The following ABCC3 variants were observed in gnomAD, a reference collection of about 807,000 sequenced individuals.
ABCC3 encodes the protein ATP-binding cassette sub-family C member 3.
In ABCC3, 121 loss-of-function variants were observed where a neutral mutation model predicts 165.3. That is an observed-to-expected ratio of 0.73 (90% CI 0.63 to 0.85). ABCC3 has a LOEUF of 0.85. ABCC3 is among the 40% of genes least tolerant of loss of function. The probability of loss-of-function intolerance (pLI) is 0.00; values close to 1 mark genes in which losing one functional copy is unlikely to be tolerated. For synonymous variants in ABCC3, 733 were observed against 810.1 expected (o/e 0.90, Z 1.62); for missense variants, 1,869 against 1,964.1 (o/e 0.95, Z 0.92).
chr17:50,667,819 G>A (rs1410793557), intron 12 of ABCC3, 44 bp from the exon 13 acceptor site: 3 of 1,613,706 alleles, frequency 1.9e-6, no homozygotes, highest in South Asian at 1.1e-5. Context: ...GGCATGGCCA[G>A]GGCTCATTGG....
At chr17:50,673,934 TTCTTTC>T (rs1293150117) in intron 19 of ABCC3, among the ~76,000 whole-genome samples, 9 of 14,996 alleles carry the variant, frequency 6.0e-4, no homozygotes, top group Non-Finnish European at 1.1e-3. Flanking sequence ...CTTTCTTTCT[TTCTTTC>T]TTTCTTTCTT....
chr17:50,658,526 G>A, intron 6 of ABCC3, 30 bp downstream of exon 6: 1 of 1,598,258 alleles, frequency 6.3e-7, no homozygotes, highest in Non-Finnish European at 8.6e-7. Context: ...AGCCAGGCCA[G>A]AGGGAGGGGA....
chr17:50,683,809 C>T, intron 27 of ABCC3, 53 bp downstream of exon 27: 2 of 1,574,830 alleles, frequency 1.3e-6, no homozygotes, highest in Non-Finnish European at 1.7e-6. Context: ...CAGACATGGC[C>T]ACAGCCCTTG....
chr17:50,649,902 C>T (rs1032104983), intron 1 of ABCC3, among the ~76,000 whole-genome samples: 1 of 152,100 alleles, frequency 6.6e-6, no homozygotes, highest in South Asian at 2.1e-4. Context: ...GTTTTAATAG[C>T]GAGTTCTCAG....
At position 50,679,807 on chromosome 17, in the gene ABCC3, G is replaced by A. The variant is rs183386954; in HGVS notation, c.3715G>A (p.Ala1239Thr). ...CAGTCCCTTTGGCCAGGTGACATTT[G>A]CTCTGAACTGGATGATACGAATGAT... ...SVSYSLQVTF[A>T]LNWMIRMMSD... Residue 1239 changes from alanine (A) to threonine (T), a missense_variant, in exon 26 of 31, where the codon GCT becomes ACT. By Grantham distance (58) the Ala-to-Thr change is moderately conservative. Coordinates refer to ENST00000285238, the MANE Select transcript of ABCC3 (RefSeq NM_003786.4). 1 of 1,614,082 alleles carries A rather than the reference G, an allele frequency of 6.2e-7. No individual in the cohort carries two copies.
intron 13 of ABCC3, 117 bp downstream of exon 13, chr17:50,668,126 C>T: frequency 1.1e-6 from 1 of 933,404 alleles, no homozygotes; most frequent in Non-Finnish European, 1.6e-6. Context: ...GGGAAGGTTG[C>T]TAGCATTATG....
chr17:50,657,768 A>G (rs1408447842), intron 4 of ABCC3, among the ~76,000 whole-genome samples: 7 of 152,170 alleles, frequency 4.6e-5, no homozygotes. Flanking sequence ...AAACCTTTGG[A>G]GCCTCATTTC....
intron 29 of ABCC3, among the ~76,000 whole-genome samples, chr17:50,686,606 T>C (rs1968026584): frequency 6.6e-6 from 1 of 152,064 alleles, no homozygotes; most frequent in South Asian, 2.1e-4. Flanking sequence ...TCTTCTCACC[T>C]GCTTGCTCTC....
At position 50,683,645 on chromosome 17, in the gene ABCC3, A is replaced by G. The variant is rs765654412; in HGVS notation, c.3843A>G (p.Glu1281=). 5.0e-6 allele frequency: 8 copies of G among 1,596,446 alleles called. No homozygotes were observed. The highest frequency in any genetic ancestry group is 6.8e-6 in the Non-Finnish European group (8 of 1,171,260). The change falls in exon 27 of 31, where the codon GAA becomes GAG. Residue 1281 remains glutamate, a synonymous_variant. Coordinates refer to ENST00000285238, the MANE Select transcript of ABCC3 (RefSeq NM_003786.4). ...TGGTGGAAGGCAGCCGCCCTCCCGA[A>G]GGTTGGCCCCCACGTGGGGAGGTGG... ...PWVVEGSRPP[E]GWPPRGEVEF...
intron 1 of ABCC3, among the ~76,000 whole-genome samples, chr17:50,646,824 G>C (rs1329219418): frequency 6.6e-6 from 1 of 152,206 alleles, no homozygotes; most frequent in Admixed American, 6.5e-5. Flanking sequence ...GGCCCAGAGA[G>C]GGGAGAGGTT....
intron 23 of ABCC3, 48 bp from the exon 24 acceptor site, chr17:50,677,696 G>A (rs1230276933): frequency 4.4e-6 from 7 of 1,574,382 alleles, no homozygotes; most frequent in Non-Finnish European, 6.1e-6. Context: ...GCAGGACTGA[G>A]TTGGGGGTTC....
At chr17:50,674,018 C>CTA in intron 19 of ABCC3, among the ~76,000 whole-genome samples, 1 of 8,250 alleles carries the variant, frequency 1.2e-4, no homozygotes, top group East Asian at 1.3e-3. Flanking sequence ...CTCTCTCTCT[C>CTA]TCTCTCTCTC....
chr17:50,654,419 T>C (rs932166016), intron 1 of ABCC3, among the ~76,000 whole-genome samples: 6 of 152,148 alleles, frequency 3.9e-5, no homozygotes, highest in African/African-American at 1.4e-4. Flanking sequence ...AGTTCATAGG[T>C]GTAGTTATAG....
chr17:50,655,099 CAA>C lies in ABCC3; in HGVS notation c.46-714_46-713del, dbSNP rs66488957. 5.1e-3 allele frequency among the ~76,000 whole-genome samples: 224 copies of C among 43,544 alleles called. 2 individuals carry two copies. Among genetic ancestry groups the C allele is most frequent in the South Asian group, 6.5e-3 (6 of 928 alleles). The allele number at this position is 43,544 out of a possible 152,430, so 28.6% of individuals were successfully genotyped here. Reference sequence around the variant, plus strand: ...TGGGCGACAGAGTGAGACTCCATCTCAAAAAAAAAAAAAAAAAAAAGAGTGAG... The same window carrying C: ...TGGGCGACAGAGTGAGACTCCATCTCAAAAAAAAAAAAAAAAAAGAGTGAG... On this transcript the variant is annotated intron_variant, in intron 1 of 30. Transcript: ENST00000285238.
At chr17:50,664,223 C>G in intron 10 of ABCC3, 112 bp downstream of exon 10, 2 of 1,435,178 alleles carry the variant, frequency 1.4e-6, no homozygotes, top group South Asian at 2.6e-5. Context: ...CCCAGCTGCT[C>G]AGGCGGCTGA....
rs538350650 is a variant in ABCC3 at position 50,651,373 on chromosome 17, T to G, written c.46-4459T>G. On this transcript the variant is annotated intron_variant, in intron 1 of 30. Transcript: ENST00000285238. ...TTGTGAGGCCTGAAAACTAAATTGT[T>G]GTTTGTACAGATTTCCCTCCTCCTC... Among the ~76,000 whole-genome samples the G allele has an allele frequency of 7.4e-4, 113 of 152,208 alleles. 1 individual carries two copies. Among genetic ancestry groups the G allele is most frequent in the Non-Finnish European group, 4.3e-4 (29 of 68,044 alleles).
chr17:50,651,676 G>A (rs1967118896), intron 1 of ABCC3, among the ~76,000 whole-genome samples: 2 of 152,178 alleles, frequency 1.3e-5, no homozygotes, highest in African/African-American at 4.8e-5. Context: ...AGTGAGCCGA[G>A]ATCTTGCCAC....
chr17:50,663,509 G>C, intron 8 of ABCC3, 172 bp from the exon 9 acceptor site: 1 of 660,716 alleles, frequency 1.5e-6, no homozygotes, highest in South Asian at 1.9e-5. Context: ...CCAGGAGGTC[G>C]TGGTCTTGAG....
chr17:50,643,611 G>A (rs527276679), intron 1 of ABCC3: 9 of 456,336 alleles, frequency 2.0e-5, no homozygotes, highest in South Asian at 7.7e-5. Flanking sequence ...CAAGAGTGAC[G>A]CTCCAGGGAA....
Sources: gnomAD v4.1 joint callset for allele counts (sites outside exome capture counted in the v4.1 genomes callset) on GRCh38, gnomAD v4.1.1 for gene constraint, MANE v1.5 for transcripts, NCBI Gene and HGNC (gene_info 2026-07-23, HGNC 2026-07-21) for gene names.